PRKAB1: variants seen among roughly 807,000 people sequenced by gnomAD.
The protein encoded by PRKAB1 is 5'-AMP-activated protein kinase subunit beta-1.
A neutral mutation model predicts 32.0 loss-of-function variants in PRKAB1; 18 were observed. That is an observed-to-expected ratio of 0.56 (90% CI 0.39 to 0.83). The LOEUF is 0.83. Among genes scored for constraint, PRKAB1 ranks in the 40% least tolerant of loss-of-function variants. The probability of loss-of-function intolerance (pLI) is 0.00; values close to 1 mark genes in which losing one functional copy is unlikely to be tolerated. For missense variants in PRKAB1, 263 were observed against 352.6 expected (o/e 0.75, Z 2.03); for synonymous variants, 141 against 141.4 (o/e 1.00, Z 0.02).
chr12:119,674,508 T>G lies in PRKAB1; in HGVS notation c.532+54T>G. ...GCGTGCAGGTGGGGGCTGTACAGTC[T>G]AGACATACTCTTGTTTCTCTTGCCT... On this transcript the variant is annotated intron_variant, in intron 4 of 6. Coordinates refer to ENST00000229328, the MANE Select transcript of PRKAB1 (RefSeq NM_006253.5). The surrounding 1 kb of genome is among the most constrained non-coding windows in gnomAD (Gnocchi z 4.3). 4 of 1,310,894 alleles carry G rather than the reference T, an allele frequency of 3.1e-6. No individual in the cohort carries two copies. Among genetic ancestry groups the G allele is most frequent in the Non-Finnish European group, 4.3e-6 (4 of 921,908 alleles). 81.2% of individuals were successfully genotyped at this position (1,310,894 alleles called of 1,614,324 possible). A position where few individuals can be genotyped will look rare whatever the true frequency, so the allele number is the denominator to read the frequency against.
Position 119,668,381 on chromosome 12 carries a change from T to A in PRKAB1, c.137T>A (p.Leu46His), listed in dbSNP as rs1422624494. The change falls in exon 1 of 7, where the codon CTC becomes CAC. Residue 46 changes from leucine to histidine, a missense_variant. Physicochemically the swap from Leu to His is moderately conservative, Grantham distance 99. Transcript: ENST00000229328. Reference protein sequence around the residue: ...ILMDSPEDADLFHSEEIKAPE... With the variant: ...ILMDSPEDADHFHSEEIKAPE... ...ATGGACAGCCCCGAAGACGCCGACC[T>A]CTTCCACTCCGAGGAAATCAAGGTG... 6.2e-7 allele frequency: 1 copy of A among 1,613,334 alleles called. No individual in the cohort carries two copies. Among genetic ancestry groups the A allele is most frequent in the African/African-American group, 1.3e-5 (1 of 74,914 alleles).
Position 119,668,335 on chromosome 12 carries a change from G to A in PRKAB1, c.91G>A (p.Gly31Arg), listed in dbSNP as rs766087073. 3 of 1,613,054 alleles carry A rather than the reference G, an allele frequency of 1.9e-6. No homozygotes were observed. The highest frequency in any genetic ancestry group is 3.3e-5 in the Admixed American group (2 of 59,838). Residue 31 changes from glycine (G) to arginine (R), a missense_variant, in exon 1 of 7, where the codon GGG becomes AGG. Physicochemically the swap from Gly to Arg is moderately radical, Grantham distance 125. Transcript: ENST00000229328. ...RRDSSGGTKD[G>R]DRPKILMDSP... ...GGACAGCTCGGGGGGCACCAAGGAC[G>A]GGGACAGGCCCAAGATCCTGATGGA... is the stretch of plus-strand genomic sequence containing the variant.
At chr12:119,670,419 T>C (rs1487875826) in intron 1 of PRKAB1, among the ~76,000 whole-genome samples, 1 of 152,222 alleles carries the variant, frequency 6.6e-6, no homozygotes, top group African/African-American at 2.4e-5. Context: ...ACAAAGAGGC[T>C]GCTTTTATGT....
chr12:119,675,068 C>T (rs187556094), intron 4 of PRKAB1, among the ~76,000 whole-genome samples: 6 of 152,240 alleles, frequency 3.9e-5, no homozygotes, highest in Non-Finnish European at 8.8e-5. Flanking sequence ...TGCTTTCCCT[C>T]CAAGCCCCAC....
At position 119,674,140 on chromosome 12, in the gene PRKAB1, C is replaced by T. The variant is rs1405687790; in HGVS notation, c.417+83C>T. 3.0e-5 allele frequency: 40 copies of T among 1,329,140 alleles called. No homozygotes were observed. Among genetic ancestry groups the T allele is most frequent in the Non-Finnish European group, 4.2e-5 (40 of 941,422 alleles). The allele number at this position is 1,329,140 out of a possible 1,614,324, so 82.3% of individuals were successfully genotyped here. On this transcript the variant is annotated intron_variant, in intron 3 of 6. Transcript: ENST00000229328. This position sits in a 1 kb window ranked among gnomAD's most constrained non-coding sequence, Gnocchi z 4.3. ...TTCCCAAGAGATTGCCGCTAGGTCC[C>T]TTTGCCCAGCTAGTAAAAGTCCCCG...
At chr12:119,669,515 T>G (rs1398367058) in intron 1 of PRKAB1, 1 of 151,602 alleles carries the variant, frequency 6.6e-6, no homozygotes, top group African/African-American at 2.4e-5. Context: ...GAGATCCGCC[T>G]GCCTCGGCCT....
chr12:119,668,156 G>GA lies in PRKAB1; in HGVS notation c.-88dup. 7.3e-7 allele frequency: 1 copy of GA among 1,373,350 alleles called. No individual in the cohort carries two copies. The highest frequency in any genetic ancestry group is 9.5e-7 in the Non-Finnish European group (1 of 1,057,414). The allele number at this position is 1,373,350 out of a possible 1,614,324, so 85.1% of individuals were successfully genotyped here. On this transcript the variant is annotated 5_prime_UTR_variant, in exon 1 of 7. Transcript: ENST00000229328. Reference sequence around the variant, plus strand: ...CCGACTCCTTCCGCAGGCTCCTTGGGACCCGCGGTTCCGGGAGTCCCTTGC... The same window carrying GA: ...CCGACTCCTTCCGCAGGCTCCTTGGGAACCCGCGGTTCCGGGAGTCCCTTGC...
intron 2 of PRKAB1, among the ~76,000 whole-genome samples, chr12:119,672,964 C>T (rs1955398345): frequency 6.6e-6 from 1 of 152,236 alleles, no homozygotes; most frequent in Non-Finnish European, 1.5e-5. Context: ...CATGGGGGCT[C>T]ATGCCTATGA....
chr12:119,680,219 C>A (rs983078735), intron 6 of PRKAB1, 29 bp from the exon 7 acceptor site: 3 of 1,605,688 alleles, frequency 1.9e-6, no homozygotes, highest in East Asian at 2.2e-5. Flanking sequence ...CTTAGTCCAG[C>A]CTTTGATCAT....
chr12:119,676,433 T>A (rs1565876701), intron 4 of PRKAB1, 104 bp from the exon 5 acceptor site: 3 of 1,337,740 alleles, frequency 2.2e-6, no homozygotes, highest in Non-Finnish European at 3.1e-6. Flanking sequence ...AAATCTGCAT[T>A]GAGGGAACAA....
rs1955406562 is a variant in PRKAB1, at chr12:119,674,115, T to C, written c.417+58T>C. On this transcript the variant is annotated intron_variant, in intron 3 of 6. Transcript: ENST00000229328. This position sits in a 1 kb window ranked among gnomAD's most constrained non-coding sequence, Gnocchi z 4.3. ...GCCCGCACATTCCAAACAAATCACC[T>C]TCCCAAGAGATTGCCGCTAGGTCCC... The C allele has an allele frequency of 3.3e-6, 5 of 1,501,960 alleles. No homozygotes were observed. The highest frequency in any genetic ancestry group is 1.8e-5 in the Admixed American group (1 of 55,786). 93.0% of individuals were successfully genotyped at this position (1,501,960 alleles called of 1,614,324 possible). A position where few individuals can be genotyped will look rare whatever the true frequency, so the allele number is the denominator to read the frequency against.
Position 119,679,597 on chromosome 12 carries a change from G to A in PRKAB1, c.667-336G>A. On this transcript the variant is annotated intron_variant, in intron 5 of 6. Transcript: ENST00000229328. This position sits in a 1 kb window ranked among gnomAD's most constrained non-coding sequence, Gnocchi z 4.1. ...TTTAGTGCAGATGGTCTCTTCCTGT[G>A]TTCTCTGAAAGTGCTGTTAATAGCT... 2.9e-6 allele frequency: 1 copy of A among 348,030 alleles called. No homozygotes were observed. The highest frequency in any genetic ancestry group is 2.5e-5 in the South Asian group (1 of 40,144). 21.6% of individuals were successfully genotyped at this position (348,030 alleles called of 1,614,324 possible). A position where few individuals can be genotyped will look rare whatever the true frequency, so the allele number is the denominator to read the frequency against.
rs776725274 is a variant in PRKAB1, at chr12:119,668,320, G to A, written c.76G>A (p.Gly26Arg). Reference protein sequence around the residue: ...GHKTPRRDSSGGTKDGDRPKI... With the variant: ...GHKTPRRDSSRGTKDGDRPKI... ...TAAGACGCCCCGGAGGGACAGCTCG[G>A]GGGGCACCAAGGACGGGGACAGGCC... The change falls in exon 1 of 7, where the codon GGG becomes AGG. Residue 26 changes from glycine to arginine, a missense_variant. Coordinates refer to ENST00000229328, the MANE Select transcript of PRKAB1 (RefSeq NM_006253.5). The A allele has an allele frequency of 6.2e-7, 1 of 1,613,184 alleles. No homozygotes were observed. The highest frequency in any genetic ancestry group is 8.5e-7 in the Non-Finnish European group (1 of 1,179,670).
intron 2 of PRKAB1, among the ~76,000 whole-genome samples, chr12:119,672,855 G>C (rs1314244336): frequency 6.6e-6 from 1 of 152,176 alleles, no homozygotes; most frequent in Non-Finnish European, 1.5e-5. Flanking sequence ...CTCAGCGTTC[G>C]TTTCTGTAAA....
intron 1 of PRKAB1, among the ~76,000 whole-genome samples, chr12:119,669,110 T>C (rs1955364416): frequency 7.2e-6 from 1 of 139,690 alleles, no homozygotes; most frequent in Admixed American, 7.5e-5. Flanking sequence ...GAGCTAGACT[T>C]CGTCTCAAAA....
At chr12:119,673,123 G>C (rs186910150) in intron 2 of PRKAB1, among the ~76,000 whole-genome samples, 1 of 152,152 alleles carries the variant, frequency 6.6e-6, no homozygotes, top group Non-Finnish European at 1.5e-5. Context: ...CCAGCTACTC[G>C]GGAGGCTGAG....
chr12:119,680,318 C>G lies in PRKAB1; in HGVS notation c.806C>G (p.Pro269Arg), dbSNP rs758929575. ...TACGTCACCACCTTGTTATACAAGC[C>G]CATATGAAGAGCTGGGGGCGGATGG... ...KKYVTTLLYK[P>R]I Residue 269 changes from proline to arginine, a missense_variant, in exon 7 of 7, where the codon CCC becomes CGC. Transcript: ENST00000229328. 1 of 1,613,786 alleles carries G rather than the reference C, an allele frequency of 6.2e-7. No homozygotes were observed. Among genetic ancestry groups the G allele is most frequent in the African/African-American group, 1.3e-5 (1 of 74,894 alleles).
chr12:119,678,013 C>T (rs1018975771), intron 5 of PRKAB1: 1 of 152,202 alleles, frequency 6.6e-6, no homozygotes, highest in South Asian at 2.1e-4. Flanking sequence ...ATCCACCCGC[C>T]TCGGCCTCCC....
upstream of PRKAB1, chr12:119,667,961 A>G: frequency 2.4e-6 from 1 of 411,018 alleles, no homozygotes; most frequent in South Asian, 3.7e-5. Flanking sequence ...CGGAAGCGGA[A>G]GTCGCTGAGG....
Sources: gnomAD v4.1 joint callset for allele counts (sites outside exome capture counted in the v4.1 genomes callset) on GRCh38, gnomAD v4.1.1 for gene constraint, Gnocchi (gnomAD v3.1) non-coding constraint, MANE v1.5 for transcripts, NCBI Gene and HGNC (gene_info 2026-07-23, HGNC 2026-07-21) for gene names.